CYB5R4: variants seen among roughly 807,000 people sequenced by gnomAD.
CYB5R4 encodes the protein cytochrome b5 reductase 4.
A neutral mutation model predicts 70.2 loss-of-function variants in CYB5R4; 55 were observed. That is an observed-to-expected ratio of 0.78 (90% confidence interval 0.63 to 0.98). The LOEUF (loss-of-function observed/expected upper bound fraction) is 0.98, where lower values mean the gene tolerates loss of function less well. Among genes scored for constraint, CYB5R4 ranks in the 50% least tolerant of loss-of-function variants. The probability of loss-of-function intolerance (pLI) is 0.00; values close to 1 mark genes in which losing one functional copy is unlikely to be tolerated. For synonymous variants in CYB5R4, 197 were observed against 199.5 expected (o/e 0.99, Z 0.11); for missense variants, 562 against 612.6 (o/e 0.92, Z 0.87).
intron 6 of CYB5R4, among the ~76,000 whole-genome samples, 174 bp downstream of exon 6, chr6:83,918,239 A>G (rs145075931): frequency 6.6e-6 from 1 of 152,300 alleles, no homozygotes; most frequent in Non-Finnish European, 1.5e-5. Context: ...GAGCTGTTCC[A>G]TAAATGTGAA....
At chr6:83,944,754 A>C (rs1297553460) in intron 14 of CYB5R4, among the ~76,000 whole-genome samples, 1 of 152,096 alleles carries the variant, frequency 6.6e-6, no homozygotes, top group Non-Finnish European at 1.5e-5. Flanking sequence ...TACCAAGCCA[A>C]TGGAAAGCAA....
intron 8 of CYB5R4, 93 bp from the exon 9 acceptor site, chr6:83,922,345 T>G: frequency 1.2e-6 from 1 of 861,886 alleles, no homozygotes. Context: ...GGATTTGAAA[T>G]AGTACATAAA....
chr6:83,949,152 T>G (rs1588586482), intron 14 of CYB5R4, among the ~76,000 whole-genome samples: 1 of 149,040 alleles, frequency 6.7e-6, no homozygotes, highest in East Asian at 2.1e-4. Flanking sequence ...GGTCAAGCCC[T>G]AGCTAGAAAA....
At chr6:83,952,279 G>C (rs933870576) in intron 14 of CYB5R4, among the ~76,000 whole-genome samples, 1 of 152,136 alleles carries the variant, frequency 6.6e-6, no homozygotes, top group African/African-American at 2.4e-5. Context: ...ATTACAAAAA[G>C]ATAAGAAATC....
At chr6:83,902,262 T>G (rs895709579) in intron 3 of CYB5R4, among the ~76,000 whole-genome samples, 3 of 152,178 alleles carry the variant, frequency 2.0e-5, no homozygotes, top group Non-Finnish European at 4.4e-5. Context: ...CCCAGCACCA[T>G]TTATTGAAGA....
chr6:83,910,346 G>C (rs1422617676), intron 4 of CYB5R4: 1 of 555,474 alleles, frequency 1.8e-6, no homozygotes, highest in African/African-American at 1.9e-5. Context: ...GAAGTAAGAC[G>C]GTTACTGGTG....
intron 2 of CYB5R4, among the ~76,000 whole-genome samples, chr6:83,883,066 T>A (rs1316679506): frequency 6.6e-6 from 1 of 152,020 alleles, no homozygotes; most frequent in African/African-American, 2.4e-5. Flanking sequence ...AAATTTAGAA[T>A]TGAAAAATAC....
intron 3 of CYB5R4, among the ~76,000 whole-genome samples, chr6:83,900,276 G>T (rs4608996): frequency 0.17 from 26,036 of 151,952 alleles, 4,527 homozygotes; most frequent in African/African-American, 0.43. Context: ...GTTGAGTGGT[G>T]TTGAGTGAGT....
intron 3 of CYB5R4, among the ~76,000 whole-genome samples, chr6:83,902,525 A>G (rs769484965): frequency 4.6e-5 from 7 of 151,996 alleles, no homozygotes; most frequent in Non-Finnish European, 7.4e-5. Flanking sequence ...TTCCATATGA[A>G]TTTTAGGATT....
chr6:83,914,672 G>C (rs2099465212), intron 5 of CYB5R4, among the ~76,000 whole-genome samples: 1 of 151,896 alleles, frequency 6.6e-6, no homozygotes, highest in South Asian at 2.1e-4. Context: ...TGAGTAGCTG[G>C]TATTACAGGT....
chr6:83,877,191 A>C (rs2099458696), intron 2 of CYB5R4, among the ~76,000 whole-genome samples: 1 of 151,986 alleles, frequency 6.6e-6, no homozygotes, highest in South Asian at 2.1e-4. Flanking sequence ...TTTTTTCTGA[A>C]ATGTCTTTAT....
chr6:83,936,045 G>GCA (rs770333577), intron 11 of CYB5R4, among the ~76,000 whole-genome samples, 179 bp from the exon 12 acceptor site: 4 of 151,738 alleles, frequency 2.6e-5, no homozygotes, highest in Non-Finnish European at 4.4e-5. Context: ...AATTGTTTCG[G>GCA]CACACATAGG....
chr6:83,863,732 C>T (rs972570456), intron 1 of CYB5R4, among the ~76,000 whole-genome samples: 2 of 152,018 alleles, frequency 1.3e-5, no homozygotes, highest in East Asian at 1.9e-4. Context: ...AATAACAATA[C>T]AACAATAAAA....
chr6:83,908,478 CA>C (rs2099464161), intron 3 of CYB5R4, among the ~76,000 whole-genome samples: 1 of 152,092 alleles, frequency 6.6e-6, no homozygotes, highest in South Asian at 2.1e-4. Flanking sequence ...CTTTGTCACA[CA>C]AAATATAATA....
intron 14 of CYB5R4, among the ~76,000 whole-genome samples, chr6:83,955,091 A>T (rs990999933): frequency 1.3e-5 from 2 of 152,042 alleles, no homozygotes; most frequent in African/African-American, 4.8e-5. Flanking sequence ...TTCCTTATCT[A>T]TAGGAAAAGC....
chr6:83,881,775 G>A (rs1232062384), intron 2 of CYB5R4, among the ~76,000 whole-genome samples: 1 of 152,126 alleles, frequency 6.6e-6, no homozygotes, highest in African/African-American at 2.4e-5. Context: ...AAAGTTTTCA[G>A]CATGTGGGAG....
intron 2 of CYB5R4, among the ~76,000 whole-genome samples, chr6:83,873,920 G>T (rs1382219943): frequency 6.6e-6 from 1 of 152,102 alleles, no homozygotes; most frequent in African/African-American, 2.4e-5. Flanking sequence ...ATTATTCCAG[G>T]CTTCAGGAAA....
intron 3 of CYB5R4, among the ~76,000 whole-genome samples, chr6:83,900,002 C>G (rs2099462622): frequency 6.6e-6 from 1 of 152,074 alleles, no homozygotes; most frequent in African/African-American, 2.4e-5. Context: ...TTCTTGCCTT[C>G]TGCTAGCTTT....
chr6:83,872,009 T>G (rs1348848163), intron 2 of CYB5R4, among the ~76,000 whole-genome samples: 2 of 152,194 alleles, frequency 1.3e-5, no homozygotes, highest in Non-Finnish European at 2.9e-5. Flanking sequence ...TGTTTTCTAT[T>G]TTGTTACTTT....
Sources: gnomAD v4.1 joint callset for allele counts (sites outside exome capture counted in the v4.1 genomes callset) on GRCh38, gnomAD v4.1.1 for gene constraint, MANE v1.5 for transcripts, NCBI Gene and HGNC (gene_info 2026-07-23, HGNC 2026-07-21) for gene names.